ADAM10: variants seen among roughly 807,000 people sequenced by gnomAD.
ADAM10 encodes the protein ADAM metallopeptidase domain 10, also known as disintegrin and metalloproteinase domain-containing protein 10.
In ADAM10, 17 loss-of-function variants were observed where a neutral mutation model predicts 90.1. The ratio of observed to expected loss-of-function variants is 0.19; its 90% CI spans 0.13 to 0.28. The LOEUF is 0.28. Among genes scored for constraint, ADAM10 ranks in the 10% least tolerant of loss-of-function variants. The pLI is 1.00. For synonymous variants in ADAM10, 310 were observed against 298.6 expected, an observed-to-expected ratio of 1.04 and a Z score of -0.40; for missense variants, 610 against 914.3, an observed-to-expected ratio of 0.67 and a Z score of 4.29.
intron 2 of ADAM10, among the ~76,000 whole-genome samples, chr15:58,703,134 T>C (rs1217931507): frequency 2.0e-5 from 3 of 152,110 alleles, no homozygotes; most frequent in Non-Finnish European, 4.4e-5. Flanking sequence ...AACCACATAC[T>C]ACCTTTTTAG....
chr15:58,664,670 A>T (rs1897038836), intron 5 of ADAM10, among the ~76,000 whole-genome samples: 1 of 152,154 alleles, frequency 6.6e-6, no homozygotes, highest in Non-Finnish European at 1.5e-5. Flanking sequence ...AGGGAAAAAA[A>T]TAATTAAAAT....
intron 2 of ADAM10, among the ~76,000 whole-genome samples, chr15:58,706,716 A>G (rs1275071989): frequency 6.6e-6 from 1 of 152,092 alleles, no homozygotes; most frequent in African/African-American, 2.4e-5. Flanking sequence ...CTTCCACAGA[A>G]ATTCTAGGGC....
intron 1 of ADAM10, among the ~76,000 whole-genome samples, chr15:58,746,967 C>G (rs1225998999): frequency 6.6e-6 from 1 of 152,112 alleles, no homozygotes; most frequent in Non-Finnish European, 1.5e-5. Context: ...AAGCTCTGGT[C>G]AAGTTTCCAG....
At chr15:58,722,532 C>T (rs1482467024) in intron 1 of ADAM10, among the ~76,000 whole-genome samples, 1 of 122,392 alleles carries the variant, frequency 8.2e-6, no homozygotes, top group Non-Finnish European at 1.7e-5. Context: ...GACCCTATCT[C>T]AAAAAAAAAA....
At chr15:58,623,288 G>A (rs1895843008) in intron 10 of ADAM10, among the ~76,000 whole-genome samples, 1 of 152,260 alleles carries the variant, frequency 6.6e-6, no homozygotes, top group Non-Finnish European at 1.5e-5. Flanking sequence ...AAAGCCACTT[G>A]GCAACAGGAC....
intron 1 of ADAM10, among the ~76,000 whole-genome samples, chr15:58,743,841 C>G (rs2140853031): frequency 6.6e-6 from 1 of 152,328 alleles, no homozygotes; most frequent in South Asian, 2.1e-4. Flanking sequence ...CCTGACCTTT[C>G]AGGTGATCCG....
chr15:58,620,660 A>ATTTTTTTTTTTTTTTTTTT, intron 11 of ADAM10, among the ~76,000 whole-genome samples: 1 of 59,442 alleles, frequency 1.7e-5, no homozygotes, highest in Non-Finnish European at 2.3e-5. Context: ...AAGAATATGT[A>ATTTTTTTTTTTTTTTTTTT]TTTTTTTTTT....
chr15:58,690,923 C>T (rs1331412987), intron 2 of ADAM10, among the ~76,000 whole-genome samples: 2 of 152,206 alleles, frequency 1.3e-5, no homozygotes, highest in African/African-American at 4.8e-5. Context: ...TGGTTTCAAA[C>T]AGCAGCACCA....
chr15:58,734,423 T>A (rs1899359698), intron 1 of ADAM10, among the ~76,000 whole-genome samples: 1 of 152,222 alleles, frequency 6.6e-6, no homozygotes, highest in African/African-American at 2.4e-5. Context: ...GATTTCATGT[T>A]AATCTACGAT....
chr15:58,685,734 G>A (rs549741373), intron 2 of ADAM10, among the ~76,000 whole-genome samples: 1 of 151,590 alleles, frequency 6.6e-6, no homozygotes, highest in South Asian at 2.1e-4. Context: ...GGGAAATAAG[G>A]GAGGGAAGGA....
intron 5 of ADAM10, among the ~76,000 whole-genome samples, chr15:58,659,885 C>T (rs1896927241): frequency 6.6e-6 from 1 of 152,174 alleles, no homozygotes; most frequent in Admixed American, 6.5e-5. Context: ...TCCGCCACCA[C>T]ACCCAGCTAA....
At chr15:58,651,303 A>G (rs1398953929) in intron 5 of ADAM10, among the ~76,000 whole-genome samples, 1 of 152,094 alleles carries the variant, frequency 6.6e-6, no homozygotes, top group Non-Finnish European at 1.5e-5. Flanking sequence ...TTTAATTATT[A>G]TTGACTATAG....
intron 14 of ADAM10, among the ~76,000 whole-genome samples, chr15:58,602,895 T>C (rs574588404): frequency 1.2e-4 from 19 of 152,248 alleles, no homozygotes; most frequent in African/African-American, 4.6e-4. Flanking sequence ...TCAACCTTAC[T>C]GCTTAAAGAT....
chr15:58,715,187 C>T (rs1001111693), intron 2 of ADAM10, among the ~76,000 whole-genome samples: 4 of 151,902 alleles, frequency 2.6e-5, no homozygotes, highest in African/African-American at 9.7e-5. Context: ...TTTGGGAGAC[C>T]GAGGTGAGCG....
chr15:58,708,471 G>A (rs1898372693), intron 2 of ADAM10, among the ~76,000 whole-genome samples: 1 of 152,000 alleles, frequency 6.6e-6, no homozygotes, highest in African/African-American at 2.4e-5. Flanking sequence ...AGACCGGCCC[G>A]GGCAACACAG....
intron 1 of ADAM10, among the ~76,000 whole-genome samples, chr15:58,730,055 A>C (rs1280877926): frequency 2.0e-5 from 3 of 152,216 alleles, no homozygotes; most frequent in Non-Finnish European, 4.4e-5. Flanking sequence ...GGAAATCGTA[A>C]GCATAATGCA....
At chr15:58,609,909 G>A (rs1895389926) in intron 14 of ADAM10, 1 of 254,674 alleles carries the variant, frequency 3.9e-6, no homozygotes, top group African/African-American at 2.3e-5. Context: ...AGATTATACT[G>A]AAAGATCAGG....
intron 12 of ADAM10, 88 bp from the exon 13 acceptor site, chr15:58,611,195 A>G (rs1256265677): frequency 4.0e-5 from 36 of 898,936 alleles, no homozygotes; most frequent in Non-Finnish European, 5.5e-5. Flanking sequence ...ATGAGCTTCC[A>G]ATGTCAAAAT....
intron 2 of ADAM10, among the ~76,000 whole-genome samples, chr15:58,714,810 G>A (rs1654995796): frequency 6.6e-6 from 1 of 151,874 alleles, no homozygotes; most frequent in Non-Finnish European, 1.5e-5. Context: ...CTGTTAGGAG[G>A]AGTTACAGTG....
Sources: allele counts gnomAD v4.1 joint callset (sites outside exome capture counted in the v4.1 genomes callset), GRCh38; gene constraint gnomAD v4.1.1; transcripts MANE v1.5; gene names NCBI Gene and HGNC (gene_info 2026-07-23, HGNC 2026-07-21).